The following HMGCLL1 variants were observed in gnomAD, a reference collection of about 807,000 sequenced individuals.
HMGCLL1 encodes 3-hydroxymethyl-3-methylglutaryl-CoA lyase, cytoplasmic.
In HMGCLL1, 36 loss-of-function variants were observed where a neutral mutation model predicts 39.1. The observed-to-expected ratio is 0.92, with a 90% confidence interval of 0.71 to 1.22. The LOEUF (loss-of-function observed/expected upper bound fraction) is 1.22. HMGCLL1 is among the 50% of genes most tolerant of loss of function. HMGCLL1 has a pLI of 0.00. For missense variants in HMGCLL1, 451 were observed against 416.5 expected (o/e 1.08, Z -0.72); for synonymous variants, 149 against 144.0 (o/e 1.03, Z -0.25).
intron 7 of HMGCLL1, among the ~76,000 whole-genome samples, chr6:55,481,409 C>T (rs954029928): frequency 1.3e-5 from 2 of 151,786 alleles, no homozygotes; most frequent in Non-Finnish European, 2.9e-5. Context: ...AGAACTGGAA[C>T]GTTTGCAATA....
the HMGCLL1 span, among the ~76,000 whole-genome samples, chr6:55,623,449 A>G: frequency 7.9e-5 from 12 of 151,538 alleles, no homozygotes; most frequent in Non-Finnish European, 1.8e-4. Flanking sequence ...GTGTATTTCC[A>G]TTTTCATTTC....
chr6:55,666,599 G>A, the HMGCLL1 span, among the ~76,000 whole-genome samples: 2 of 151,528 alleles, frequency 1.3e-5, no homozygotes, highest in East Asian at 3.9e-4. Context: ...TTCATAGCGG[G>A]ACTCATTTAT....
At chr6:55,677,103 C>A in the HMGCLL1 span, among the ~76,000 whole-genome samples, 3 of 152,160 alleles carry the variant, frequency 2.0e-5, no homozygotes, top group Non-Finnish European at 4.4e-5. Context: ...TATGACTTTA[C>A]AAAATACTTC....
chr6:55,619,840 C>T, the HMGCLL1 span, among the ~76,000 whole-genome samples: 19,499 of 152,106 alleles, frequency 0.13, 1,367 homozygotes, highest in East Asian at 0.24. Flanking sequence ...GCCCACACCG[C>T]CCCCGCTCCA....
the HMGCLL1 span, among the ~76,000 whole-genome samples, chr6:55,614,505 T>C: frequency 6.6e-6 from 1 of 152,166 alleles, no homozygotes; most frequent in Non-Finnish European, 1.5e-5. Flanking sequence ...TATTTAGTTA[T>C]AGCGGCCCAA....
intron 7 of HMGCLL1, among the ~76,000 whole-genome samples, chr6:55,467,912 A>G (rs1485784001): frequency 1.3e-5 from 2 of 152,060 alleles, no homozygotes; most frequent in African/African-American, 4.8e-5. Flanking sequence ...GCCATGTGGT[A>G]CAGGAGCATA....
chr6:55,649,514 C>T, the HMGCLL1 span, among the ~76,000 whole-genome samples: 2 of 151,290 alleles, frequency 1.3e-5, no homozygotes, highest in Non-Finnish European at 2.9e-5. Context: ...CTTTCTTTAT[C>T]ATTCTTGGCC....
chr6:55,579,396 G>T (rs1771930657), upstream of HMGCLL1, among the ~76,000 whole-genome samples: 1 of 152,146 alleles, frequency 6.6e-6, no homozygotes. Context: ...ATCTTAACGT[G>T]CCCACCTACT....
chr6:55,458,767 G>T lies in HMGCLL1; in HGVS notation c.796-19208C>A, dbSNP rs551617542. ...AGCATTTTTTAATAAGAATAGAATA[G>T]AAAATATTATGTATTTGTGCATTGC... On this transcript the variant is annotated intron_variant, in intron 7 of 8. Transcript: ENST00000274901. Among the ~76,000 whole-genome samples the T allele has an allele frequency of 7.2e-5, 11 of 152,242 alleles. No individual in the cohort carries two copies. The South Asian group carries it at 2.1e-3, about 29-fold the overall frequency.
At chr6:55,588,142 A>G in the HMGCLL1 span, among the ~76,000 whole-genome samples, 1 of 152,172 alleles carries the variant, frequency 6.6e-6, no homozygotes, top group Non-Finnish European at 1.5e-5. Context: ...AAAATTGACC[A>G]CATAGTTGGA....
intron 7 of HMGCLL1, among the ~76,000 whole-genome samples, chr6:55,455,010 T>TGAG (rs10664405): frequency 0.37 from 55,672 of 151,676 alleles, 10,727 homozygotes; most frequent in African/African-American, 0.49. Flanking sequence ...CTGGGGAGAC[T>TGAG]GAGAGAAGAT....
intron 1 of HMGCLL1, among the ~76,000 whole-genome samples, chr6:55,549,107 C>G (rs942921115): frequency 1.3e-5 from 2 of 150,452 alleles, no homozygotes; most frequent in East Asian, 3.9e-4. Context: ...ACAAAATAAA[C>G]TATGAAAAAT....
At chr6:55,515,906 A>C (rs1767712699) in intron 4 of HMGCLL1, among the ~76,000 whole-genome samples, 1 of 152,098 alleles carries the variant, frequency 6.6e-6, no homozygotes, top group Non-Finnish European at 1.5e-5. Context: ...GCTGCTGCAA[A>C]ACCTATGCAA....
chr6:55,457,154 T>C (rs532642114), intron 7 of HMGCLL1, among the ~76,000 whole-genome samples: 2 of 152,158 alleles, frequency 1.3e-5, no homozygotes, highest in Non-Finnish European at 2.9e-5. Context: ...TTCCAAGGAG[T>C]TGAAACTTGA....
At chr6:55,651,569 G>A in the HMGCLL1 span, among the ~76,000 whole-genome samples, 1 of 152,078 alleles carries the variant, frequency 6.6e-6, no homozygotes, top group South Asian at 2.1e-4. Flanking sequence ...AATGGCACAA[G>A]CATTTCCTTA....
chr6:55,478,547 T>C (rs1302467543), intron 7 of HMGCLL1, among the ~76,000 whole-genome samples: 2 of 151,512 alleles, frequency 1.3e-5, no homozygotes, highest in Non-Finnish European at 2.9e-5. Context: ...TAAAAATGTA[T>C]TACGAAAATA....
the HMGCLL1 span, among the ~76,000 whole-genome samples, chr6:55,588,221 A>G: frequency 6.6e-6 from 1 of 152,194 alleles, no homozygotes. Context: ...ACCGCAGTGC[A>G]ATCAAACCAG....
the HMGCLL1 span, among the ~76,000 whole-genome samples, chr6:55,658,211 T>G: frequency 6.6e-6 from 1 of 152,082 alleles, no homozygotes; most frequent in East Asian, 1.9e-4. Context: ...AAATGCCATC[T>G]GGACTTAATC....
At chr6:55,661,996 G>T in the HMGCLL1 span, among the ~76,000 whole-genome samples, 17 of 151,490 alleles carry the variant, frequency 1.1e-4, 1 homozygote, top group African/African-American at 3.6e-4. Flanking sequence ...CTTGGCTGTG[G>T]TTGGTGTATA....
Sources: allele counts gnomAD v4.1 joint callset (sites outside exome capture counted in the v4.1 genomes callset), GRCh38; gene constraint gnomAD v4.1.1; transcripts MANE v1.5; gene names NCBI Gene and HGNC (gene_info 2026-07-23, HGNC 2026-07-21).